ADGRE3: variants seen among roughly 807,000 people sequenced by gnomAD.
ADGRE3 encodes EGF-like module receptor 3.
Under a neutral mutation model 80.1 loss-of-function variants are expected in ADGRE3, and 88 were observed. The observed-to-expected ratio is 1.10, with a 90% CI of 0.93 to 1.31. The LOEUF is 1.31. Ranked by LOEUF, ADGRE3 falls within the 40% of genes most tolerant of loss-of-function variation. The pLI is 0.00. For synonymous variants in ADGRE3, 281 were observed against 294.8 expected (o/e 0.95, Z 0.48); for missense variants, 715 against 776.5 (o/e 0.92, Z 0.94).
chr19:14,638,478 A>G (rs912626915), intron 10 of ADGRE3, 138 bp from the exon 11 acceptor site: 6 of 631,674 alleles, frequency 9.5e-6, no homozygotes, highest in Non-Finnish European at 1.7e-5. Context: ...AACTGGATGC[A>G]GTGGCTCATG....
In ADGRE3 at chr19:14,619,395, T is replaced by C. The variant is rs776646057; in HGVS notation, c.*38A>G. On this transcript the variant is annotated 3_prime_UTR_variant, in exon 16 of 16. Coordinates refer to ENST00000253673, the MANE Select transcript of ADGRE3 (RefSeq NM_032571.5). ...TTCTTCATAATGCCAAAGAGATCCA[T>C]GGATATGATTTTCCATATGGAGTTG... 9.5e-5 allele frequency: 132 copies of C among 1,388,356 alleles called. No homozygotes were observed. Among genetic ancestry groups the C allele is most frequent in the Non-Finnish European group, 1.2e-4 (117 of 976,234 alleles). The allele number at this position is 1,388,356 out of a possible 1,614,324, so 86.0% of individuals were successfully genotyped here. A position where few individuals can be genotyped will look rare whatever the true frequency, so the allele number is the denominator to read the frequency against.
downstream of ADGRE3, among the ~76,000 whole-genome samples, chr19:14,615,853 G>T (rs552333588): frequency 6.6e-6 from 1 of 152,038 alleles, no homozygotes; most frequent in Admixed American, 6.6e-5. Context: ...TTGAACTCCT[G>T]GGTTCAAGCA....
intron 14 of ADGRE3, among the ~76,000 whole-genome samples, chr19:14,629,215 C>T (rs1970813594): frequency 6.6e-6 from 1 of 152,186 alleles, no homozygotes; most frequent in Non-Finnish European, 1.5e-5. Context: ...TGAGCCACTG[C>T]ACCCTGCCGA....
the ADGRE3 span, chr19:14,610,244 T>C: frequency 2.6e-6 from 4 of 1,542,178 alleles, no homozygotes; most frequent in African/African-American, 5.5e-5. Flanking sequence ...CTCTTTGAGA[T>C]GAGAATCTCC....
chr19:14,624,096 CTTT>C (rs760687394), intron 15 of ADGRE3, among the ~76,000 whole-genome samples: 14 of 139,830 alleles, frequency 1.0e-4, no homozygotes, highest in Admixed American at 1.5e-4. Context: ...ACCTGGCTTC[CTTT>C]TTTTTTTTTT....
chr19:14,609,504 G>C, the ADGRE3 span, among the ~76,000 whole-genome samples: 1 of 152,160 alleles, frequency 6.6e-6, no homozygotes, highest in South Asian at 2.1e-4. Flanking sequence ...GTAAAAGAAA[G>C]AGTCCTTGGA....
intron 3 of ADGRE3, 76 bp from the exon 4 acceptor site, chr19:14,662,194 G>T: frequency 6.8e-7 from 1 of 1,471,398 alleles, no homozygotes; most frequent in Non-Finnish European, 9.4e-7. Flanking sequence ...CAGGAGTTGT[G>T]CTCTTTCCCC....
At position 14,665,970 on chromosome 19, in the gene ADGRE3, A is replaced by ATATATATATATG. The variant is rs1568500876; in HGVS notation, c.77-2431_77-2430insCATATATATATA. On this transcript the variant is annotated intron_variant, in intron 2 of 15. Coordinates refer to ENST00000253673, the MANE Select transcript of ADGRE3 (RefSeq NM_032571.5). ...TATATATATATATATATATATATAT[A>ATATATATATATG]TATATATAGTGTTTTCTTTATCCAC... 6.2e-4 allele frequency among the ~76,000 whole-genome samples: 81 copies of ATATATATATATG among 130,108 alleles called. 2 individuals carry two copies. The highest frequency in any genetic ancestry group is 2.1e-3 in the African/African-American group (77 of 36,224). The allele number at this position is 130,108 out of a possible 152,430, so 85.4% of individuals were successfully genotyped here.
At chr19:14,606,451 G>A in the ADGRE3 span, among the ~76,000 whole-genome samples, 1 of 151,962 alleles carries the variant, frequency 6.6e-6, no homozygotes, top group Non-Finnish European at 1.5e-5. Flanking sequence ...GGCTGAGGCA[G>A]GTGAATCAAC....
chr19:14,605,449 T>C, the ADGRE3 span, among the ~76,000 whole-genome samples: 1 of 152,292 alleles, frequency 6.6e-6, no homozygotes, highest in Non-Finnish European at 1.5e-5. Flanking sequence ...GTGAGTTAGA[T>C]GTGATTTGCA....
the ADGRE3 span, among the ~76,000 whole-genome samples, chr19:14,609,811 C>T: frequency 1.3e-5 from 2 of 150,676 alleles, no homozygotes; most frequent in South Asian, 2.1e-4. Flanking sequence ...GCACTCCAGC[C>T]TCAGCGACAG....
chr19:14,609,918 G>A, the ADGRE3 span: 16 of 609,978 alleles, frequency 2.6e-5, no homozygotes, highest in African/African-American at 1.1e-4. Context: ...CACTGTGCCC[G>A]GCTTACAGGT....
intron 2 of ADGRE3, among the ~76,000 whole-genome samples, chr19:14,664,403 A>G (rs946455525): frequency 2.6e-5 from 4 of 151,902 alleles, no homozygotes; most frequent in African/African-American, 7.3e-5. Flanking sequence ...CGCCATTGTG[A>G]TCGCACCACG....
intron 10 of ADGRE3, among the ~76,000 whole-genome samples, chr19:14,639,435 G>T (rs778797338): frequency 4.0e-5 from 6 of 149,896 alleles, no homozygotes; most frequent in Non-Finnish European, 5.9e-5. Context: ...ACATGGTCTT[G>T]CTCTGTCACC....
In ADGRE3 at chr19:14,663,493, G is replaced by A; in HGVS notation, c.124C>T (p.His42Tyr). 6.2e-7 allele frequency: 1 copy of A among 1,613,530 alleles called. No individual in the cohort carries two copies. The highest frequency in any genetic ancestry group is 8.5e-7 in the Non-Finnish European group (1 of 1,179,614). Residue 42 changes from histidine (H) to tyrosine (Y), a missense_variant, in exon 3 of 16, where the codon CAC (histidine) becomes TAC (tyrosine). Physicochemically the swap from His to Tyr is moderately conservative, Grantham distance 83. Transcript: ENST00000253673. ...GTATATCCATGGTTGCAGGTGCAGT[G>A]AGTGTTATTGACACAGGAAGCATTT... Reference protein sequence around the residue: ...PPNASCVNNTHCTCNHGYTSG... With the variant: ...PPNASCVNNTYCTCNHGYTSG...
chr19:14,650,747 A>C (rs931686387), intron 7 of ADGRE3, among the ~76,000 whole-genome samples: 1 of 151,220 alleles, frequency 6.6e-6, no homozygotes, highest in South Asian at 2.1e-4. Flanking sequence ...TCTCTGGAGA[A>C]CACTGATGAA....
intron 14 of ADGRE3, 133 bp downstream of exon 14, chr19:14,629,906 A>G (rs1203594993): frequency 1.9e-6 from 1 of 529,858 alleles, no homozygotes; most frequent in African/African-American, 1.9e-5. Flanking sequence ...AAGTAGAGAA[A>G]ATAGAGAGAG....
chr19:14,619,555 G>T, intron 15 of ADGRE3, 84 bp from the exon 16 acceptor site: 1 of 1,108,774 alleles, frequency 9.0e-7, no homozygotes, highest in South Asian at 1.3e-5. Context: ...AAAACAGCAG[G>T]AGTGATTTAA....
chr19:14,633,274 T>G lies in ADGRE3; in HGVS notation c.1513A>C (p.Met505Leu). The stretch of plus-strand genomic sequence containing the variant: ...CAGACTGGGCCAAGGAAACTCCACA[T>G]GAATCCCTGGTCCAGGTGGAGCCAG... ...RCWLHLDQGF[M>L]WSFLGPVCAI... Residue 505 changes from methionine to leucine, a missense_variant, in exon 12 of 16, where the codon ATG becomes CTG. Transcript: ENST00000253673. The G allele has an allele frequency of 4.3e-6, 7 of 1,612,596 alleles. No homozygotes were observed. The highest frequency in any genetic ancestry group is 5.9e-6 in the Non-Finnish European group (7 of 1,179,230).
Sources: gnomAD v4.1 joint callset for allele counts (sites outside exome capture counted in the v4.1 genomes callset) on GRCh38, gnomAD v4.1.1 for gene constraint, MANE v1.5 for transcripts, NCBI Gene and HGNC (gene_info 2026-07-23, HGNC 2026-07-21) for gene names.